Variants in ROBO2 observed in about 807,000 individuals in gnomAD.
The protein encoded by ROBO2 is roundabout homolog 2.
Under a neutral mutation model 160.8 loss-of-function variants are expected in ROBO2, and 53 were observed. The observed-to-expected ratio is 0.33, with a 90% confidence interval of 0.26 to 0.41. The LOEUF (loss-of-function observed/expected upper bound fraction) is 0.41, where lower values mean the gene tolerates loss of function less well. Ranked by LOEUF, ROBO2 falls within the 10% of genes least tolerant of loss-of-function variation. The pLI is 1.00. For missense variants in ROBO2, 1,577 were observed against 1,722.4 expected (o/e 0.92, Z 1.49); for synonymous variants, 664 against 611.7 (o/e 1.09, Z -1.26).
chr3:76,988,683 T>C (rs1440776496), intron 2 of ROBO2, among the ~76,000 whole-genome samples: 1 of 152,140 alleles, frequency 6.6e-6, no homozygotes, highest in African/African-American at 2.4e-5. Flanking sequence ...TTATTCCCAG[T>C]AGATTAATTT....
At chr3:76,984,849 T>G (rs1373031723) in intron 2 of ROBO2, among the ~76,000 whole-genome samples, 2 of 152,270 alleles carry the variant, frequency 1.3e-5, no homozygotes, top group Admixed American at 6.5e-5. Context: ...TTGACATAAT[T>G]ACATATACTT....
At chr3:77,344,757 AG>A (rs1391933283) in intron 2 of ROBO2, among the ~76,000 whole-genome samples, 1 of 152,146 alleles carries the variant, frequency 6.6e-6, no homozygotes, top group Non-Finnish European at 1.5e-5. Context: ...TGGTTGTTAA[AG>A]ATAGGTGATG....
At chr3:76,420,622 T>G (rs1255762626) in intron 2 of ROBO2, among the ~76,000 whole-genome samples, 1 of 152,210 alleles carries the variant, frequency 6.6e-6, no homozygotes, top group African/African-American at 2.4e-5. Context: ...AGATCCCTTT[T>G]TGTTGCTATC....
chr3:76,344,066 T>C (rs2074384579), intron 2 of ROBO2, among the ~76,000 whole-genome samples: 1 of 152,136 alleles, frequency 6.6e-6, no homozygotes, highest in Non-Finnish European at 1.5e-5. Flanking sequence ...CAATGAATTC[T>C]ATTAAGTTTA....
chr3:76,404,290 T>C (rs1162235630), intron 2 of ROBO2, among the ~76,000 whole-genome samples: 1 of 151,674 alleles, frequency 6.6e-6, no homozygotes, highest in African/African-American at 2.4e-5. Context: ...AGAAGGAATA[T>C]ATCACTGAGA....
intron 2 of ROBO2, among the ~76,000 whole-genome samples, chr3:76,566,029 T>C (rs758024750): frequency 1.3e-5 from 2 of 152,186 alleles, no homozygotes; most frequent in Non-Finnish European, 2.9e-5. Flanking sequence ...GAGCATGTAC[T>C]TGGGGAGAAA....
chr3:76,257,455 G>T (rs1259492445), intron 2 of ROBO2, among the ~76,000 whole-genome samples: 1 of 152,152 alleles, frequency 6.6e-6, no homozygotes, highest in Non-Finnish European at 1.5e-5. Context: ...TAGAGAATAA[G>T]AGAATGGCAG....
chr3:77,008,204 T>A (rs2061684572), intron 2 of ROBO2, among the ~76,000 whole-genome samples: 2 of 152,056 alleles, frequency 1.3e-5, no homozygotes, highest in Admixed American at 6.6e-5. Flanking sequence ...AACTTGAAAT[T>A]TAAAACAAAT....
chr3:76,898,602 A>G (rs1198541134), intron 2 of ROBO2, among the ~76,000 whole-genome samples: 1 of 152,134 alleles, frequency 6.6e-6, no homozygotes, highest in Non-Finnish European at 1.5e-5. Flanking sequence ...ATGAACATTA[A>G]CAATTCTCAA....
chr3:76,412,940 G>C (rs2075571188), intron 2 of ROBO2, among the ~76,000 whole-genome samples: 1 of 152,212 alleles, frequency 6.6e-6, no homozygotes, highest in Non-Finnish European at 1.5e-5. Context: ...TGCCCTAGCA[G>C]AGGTTCTCCA....
rs574217365 is a variant in ROBO2 at position 76,945,299 on chromosome 3, C to A, written c.110-152715C>A. Among the ~76,000 whole-genome samples the A allele has an allele frequency of 2.8e-4, 43 of 152,168 alleles. No homozygotes were observed. In the South Asian group the frequency reaches 4.6e-3, roughly 16 times the overall value. ...TAATTATTAATTTTATTATTGATGT[C>A]GCTCTCACTATAACATGAAAAAAGA... On this transcript the variant is annotated intron_variant, in intron 2 of 26. Transcript: ENST00000487694.
chr3:76,087,154 A>G (rs1318925413), intron 2 of ROBO2, among the ~76,000 whole-genome samples: 1 of 152,098 alleles, frequency 6.6e-6, no homozygotes, highest in Non-Finnish European at 1.5e-5. Context: ...CAAACCACAG[A>G]TCCAGAAAGC....
chr3:76,226,995 C>G (rs1217091672), intron 2 of ROBO2, among the ~76,000 whole-genome samples: 2 of 152,160 alleles, frequency 1.3e-5, no homozygotes, highest in East Asian at 3.9e-4. Context: ...CCTCCAGGAA[C>G]AAGAAGAGAT....
chr3:77,520,952 G>A (rs2090531026), intron 5 of ROBO2, among the ~76,000 whole-genome samples: 1 of 151,130 alleles, frequency 6.6e-6, no homozygotes, highest in African/African-American at 2.4e-5. Context: ...ACTATACTCA[G>A]GTAAAGTAAT....
chr3:76,909,510 C>G (rs2075833513), intron 2 of ROBO2, among the ~76,000 whole-genome samples: 1 of 152,096 alleles, frequency 6.6e-6, no homozygotes, highest in South Asian at 2.1e-4. Flanking sequence ...CACCACTGTA[C>G]AACTCATTCA....
intron 2 of ROBO2, among the ~76,000 whole-genome samples, chr3:77,224,281 GCATT>G (rs1560281026): frequency 6.6e-6 from 1 of 151,912 alleles, no homozygotes; most frequent in Non-Finnish European, 1.5e-5. Context: ...CAATCGAAAG[GCATT>G]GAACATAGTT....
chr3:77,324,522 G>A (rs2065154537), intron 2 of ROBO2, among the ~76,000 whole-genome samples: 1 of 152,152 alleles, frequency 6.6e-6, no homozygotes, highest in Non-Finnish European at 1.5e-5. Context: ...GCTCACGCCT[G>A]TAATCCCAGC....
intron 2 of ROBO2, among the ~76,000 whole-genome samples, chr3:76,592,016 G>C (rs2086446146): frequency 6.6e-6 from 1 of 151,904 alleles, no homozygotes; most frequent in African/African-American, 2.4e-5. Context: ...TAAGTTAAGA[G>C]CTTAGGAAAC....
intron 2 of ROBO2, among the ~76,000 whole-genome samples, chr3:76,355,879 C>T (rs2075132751): frequency 6.6e-6 from 1 of 151,624 alleles, no homozygotes; most frequent in Non-Finnish European, 1.5e-5. Flanking sequence ...ATTAAAGCTA[C>T]AACAAAGCAC....
Sources: gnomAD v4.1 joint callset for allele counts (sites outside exome capture counted in the v4.1 genomes callset) on GRCh38, gnomAD v4.1.1 for gene constraint, MANE v1.5 for transcripts, NCBI Gene and HGNC (gene_info 2026-07-23, HGNC 2026-07-21) for gene names.